Variants in CCDC33 observed in about 807,000 individuals in gnomAD.
The protein encoded by CCDC33 is coiled-coil domain containing 33, also known as coiled-coil domain-containing protein 33.
In CCDC33, 94 loss-of-function variants were observed where a neutral mutation model predicts 91.9. That is an observed-to-expected ratio of 1.02 (90% CI 0.87 to 1.21). The LOEUF is 1.21. Among genes scored for constraint, CCDC33 ranks in the 50% most tolerant of loss-of-function variants. The pLI is 0.00. For synonymous variants in CCDC33, 396 were observed against 374.5 expected (o/e 1.06, Z -0.66); for missense variants, 940 against 935.5 (o/e 1.00, Z -0.06).
At position 74,331,104 on chromosome 15, in the gene CCDC33, CA is replaced by C. The variant is rs1820628415; in HGVS notation, c.1671del (p.Glu558ArgfsTer3). 1.9e-6 allele frequency: 3 copies of C among 1,613,188 alleles called. No homozygotes were observed. The highest frequency in any genetic ancestry group is 1.3e-5 in the African/African-American group (1 of 74,922). ...MKALEETVRH[Q>X]EKVIEKMERV... The stretch of plus-strand genomic sequence containing the variant: ...GGCGCTGGAGGAGACTGTGCGGCAC[CA>C]AGAGAAGGCAGGTGGCAGAGGGGCT... On this transcript the variant is annotated frameshift_variant, in exon 14 of 19. Coordinates refer to ENST00000398814, the MANE Select transcript of CCDC33 (RefSeq NM_025055.5). LOFTEE classifies it high-confidence loss of function.
chr15:74,292,798 C>T lies in CCDC33; in HGVS notation c.1096-2956C>T, dbSNP rs368724790. Among the ~76,000 whole-genome samples the T allele has an allele frequency of 2.6e-5, 4 of 152,120 alleles. No homozygotes were observed. The East Asian group carries it at 7.7e-4, about 29-fold the overall frequency. On this transcript the variant is annotated intron_variant, in intron 10 of 18. Transcript: ENST00000398814. ...CTGGCAGGCACTACAGGAAGGGTGG[C>T]TGGAGCAGGAATGGGCAGGATAGAC...
chr15:74,286,913 C>T (rs1168903230), intron 10 of CCDC33, among the ~76,000 whole-genome samples: 4 of 152,144 alleles, frequency 2.6e-5, no homozygotes, highest in Admixed American at 1.3e-4. Context: ...TCCCTCTTCC[C>T]CTCATAGGGA....
At chr15:74,335,849 G>A (rs2060555163) in intron 18 of CCDC33, 76 bp from the exon 19 acceptor site, 1 of 1,132,734 alleles carries the variant, frequency 8.8e-7, no homozygotes, top group Non-Finnish European at 1.3e-6. Flanking sequence ...GGCCTGGTTT[G>A]TCAGGCAATA....
rs956404073 is a variant in CCDC33 at position 74,330,357 on chromosome 15, G to A, written c.1456+3G>A. 30 of 1,585,172 alleles carry A rather than the reference G, an allele frequency of 1.9e-5. No individual in the cohort carries two copies. The highest frequency in any genetic ancestry group is 5.4e-5 in the Admixed American group (3 of 55,240). On this transcript the variant is annotated splice_donor_region_variant and intron_variant, in intron 12 of 18. Coordinates refer to ENST00000398814, the MANE Select transcript of CCDC33 (RefSeq NM_025055.5). ...AGCCAGTGAGGCCCAGAACACGGGT[G>A]AGGATGTGCAGGCCACCAAGGGCAC...
chr15:74,286,900 C>T (rs953560516), intron 10 of CCDC33, among the ~76,000 whole-genome samples: 1 of 152,118 alleles, frequency 6.6e-6, no homozygotes, highest in Non-Finnish European at 1.5e-5. Context: ...CTGACCTTCC[C>T]CCTCCCTCTT....
Position 74,331,309 on chromosome 15 carries a change from C to T in CCDC33, c.1771+13C>T, listed in dbSNP as rs1169077326. 1.9e-6 allele frequency: 3 copies of T among 1,613,042 alleles called. No individual in the cohort carries two copies. Among genetic ancestry groups the T allele is most frequent in the Middle Eastern group, 3.3e-4 (2 of 5,984 alleles). On this transcript the variant is annotated intron_variant, in intron 15 of 18. Transcript: ENST00000398814. ...AAGCCCTACACGGGTGGGTCCACAC[C>T]CTGATGTGATCAGCTCCCCAGCTTC...
intron 6 of CCDC33, 124 bp downstream of exon 6, chr15:74,271,918 C>G: frequency 1.4e-6 from 1 of 719,616 alleles, no homozygotes; most frequent in East Asian, 2.8e-5. Flanking sequence ...CCCCTAAGGC[C>G]CTTCAAGCCT....
intron 7 of CCDC33, among the ~76,000 whole-genome samples, chr15:74,275,577 A>T (rs1162856833): frequency 6.6e-6 from 1 of 152,180 alleles, no homozygotes; most frequent in Non-Finnish European, 1.5e-5. Context: ...AGGTCTCAGG[A>T]TCTTTCCAAC....
intron 4 of CCDC33, among the ~76,000 whole-genome samples, chr15:74,267,824 C>T (rs1239099779): frequency 2.0e-5 from 3 of 152,168 alleles, no homozygotes; most frequent in African/African-American, 7.2e-5. Flanking sequence ...AGTAGGTGCT[C>T]AGTTTGGTCA....
intron 11 of CCDC33, among the ~76,000 whole-genome samples, chr15:74,314,386 G>GCTCACCCCA (rs2060051257): frequency 6.6e-6 from 1 of 152,224 alleles, no homozygotes; most frequent in Admixed American, 6.5e-5. Flanking sequence ...TGGCCTGGGT[G>GCTCACCCCA]GGGGAAAGGC....
At chr15:74,222,816 A>G (rs1408247890) in intron 2 of CCDC33, among the ~76,000 whole-genome samples, 1 of 91,556 alleles carries the variant, frequency 1.1e-5, no homozygotes, top group Non-Finnish European at 2.1e-5. Flanking sequence ...CGCCGCCTGC[A>G]TGTCTCTGGT....
At chr15:74,308,354 G>GACACACACACACACACACACACACAC (rs5813758) in intron 11 of CCDC33, among the ~76,000 whole-genome samples, 7 of 141,942 alleles carry the variant, frequency 4.9e-5, no homozygotes, top group African/African-American at 1.8e-4. Flanking sequence ...TGTGCAGACA[G>GACACACACACACACACACACACACAC]ACAGACACAC....
chr15:74,234,550 G>A (rs1309822126), upstream of CCDC33, among the ~76,000 whole-genome samples: 1 of 152,172 alleles, frequency 6.6e-6, no homozygotes, highest in Admixed American at 6.5e-5. Flanking sequence ...CTTGGTCTGG[G>A]GAGGTGAACA....
intron 2 of CCDC33, among the ~76,000 whole-genome samples, chr15:74,222,009 G>C (rs922281760): frequency 6.6e-6 from 1 of 152,194 alleles, no homozygotes; most frequent in Non-Finnish European, 1.5e-5. Context: ...GCACCCCGGG[G>C]TGAGGAAAGC....
intron 11 of CCDC33, among the ~76,000 whole-genome samples, chr15:74,324,089 CAAAAAA>C (rs55758894): frequency 0.041 from 2,982 of 72,102 alleles, 120 homozygotes; most frequent in African/African-American, 0.14. Context: ...GACTCCATCT[CAAAAAA>C]AAAAAAAAAA....
intron 1 of CCDC33, among the ~76,000 whole-genome samples, chr15:74,237,753 A>G (rs1379649993): frequency 6.6e-6 from 1 of 152,112 alleles, no homozygotes; most frequent in Non-Finnish European, 1.5e-5. Context: ...GGATTTGGGG[A>G]TCTGGGGAGT....
chr15:74,307,965 C>G (rs2059922275), intron 11 of CCDC33, among the ~76,000 whole-genome samples: 1 of 136,174 alleles, frequency 7.3e-6, no homozygotes. Flanking sequence ...ACTCTGTGGG[C>G]TCTCTCGAGT....
At chr15:74,318,605 C>T (rs753564036) in intron 11 of CCDC33, 1 of 741,516 alleles carries the variant, frequency 1.3e-6, no homozygotes, top group Non-Finnish European at 2.5e-6. Context: ...GGAGCCAGGG[C>T]CCCCATCCCC....
intron 11 of CCDC33, among the ~76,000 whole-genome samples, chr15:74,312,260 A>T (rs1360475281): frequency 2.0e-5 from 3 of 152,188 alleles, no homozygotes; most frequent in African/African-American, 7.2e-5. Flanking sequence ...GTGGTCCTGA[A>T]TAGTGTCCCT....
Sources: allele counts gnomAD v4.1 joint callset (sites outside exome capture counted in the v4.1 genomes callset), GRCh38; gene constraint gnomAD v4.1.1; transcripts MANE v1.5; gene names NCBI Gene and HGNC (gene_info 2026-07-23, HGNC 2026-07-21).